Variants in STK32B observed in about 807,000 individuals in gnomAD.
STK32B encodes serine/threonine-protein kinase 32B.
STK32B carries 43 observed loss-of-function variants against 52.6 expected under a neutral mutation model. The ratio of observed to expected loss-of-function variants is 0.82; its 90% confidence interval spans 0.64 to 1.05. The LOEUF is 1.05. Among genes scored for constraint, STK32B ranks in the 50% least tolerant of loss-of-function variants. The probability of loss-of-function intolerance (pLI) is 0.00; values close to 1 mark genes in which losing one functional copy is unlikely to be tolerated. For missense variants in STK32B, 621 were observed against 534.6 expected (o/e 1.16, Z -1.59); for synonymous variants, 238 against 204.3 (o/e 1.17, Z -1.41).
chr4:5,238,875 A>C (rs778623893), intron 3 of STK32B, among the ~76,000 whole-genome samples: 3 of 152,248 alleles, frequency 2.0e-5, no homozygotes, highest in African/African-American at 7.2e-5. Flanking sequence ...CAGTGGGACT[A>C]TGGATGAGAA....
chr4:5,073,814 C>T (rs557584783), intron 1 of STK32B, among the ~76,000 whole-genome samples: 3 of 151,878 alleles, frequency 2.0e-5, no homozygotes, highest in South Asian at 4.2e-4. Context: ...ATCTCCTTGA[C>T]TTTGTTTTTT....
At chr4:5,455,217 C>A (rs1298509779) in intron 7 of STK32B, among the ~76,000 whole-genome samples, 1 of 152,338 alleles carries the variant, frequency 6.6e-6, no homozygotes, top group African/African-American at 2.4e-5. Flanking sequence ...ATCGGGACCC[C>A]TCGCCCCTTT....
chr4:5,154,561 C>T (rs939556678), intron 2 of STK32B, among the ~76,000 whole-genome samples: 8 of 152,176 alleles, frequency 5.3e-5, no homozygotes, highest in Non-Finnish European at 1.0e-4. Context: ...TTTTACTTGG[C>T]TTGGTGGGTT....
At chr4:5,224,943 G>C (rs2108800076) in intron 3 of STK32B, among the ~76,000 whole-genome samples, 1 of 152,250 alleles carries the variant, frequency 6.6e-6, no homozygotes, top group South Asian at 2.1e-4. Context: ...TTTTATTAAA[G>C]TGGGATTTTA....
chr4:5,161,988 GAGA>G (rs1306726068), intron 2 of STK32B, among the ~76,000 whole-genome samples: 1 of 152,170 alleles, frequency 6.6e-6, no homozygotes, highest in African/African-American at 2.4e-5. Flanking sequence ...GGGCAGCACA[GAGA>G]AGAACTAGCC....
intron 4 of STK32B, among the ~76,000 whole-genome samples, chr4:5,392,605 C>G (rs1736655625): frequency 6.6e-6 from 1 of 152,072 alleles, no homozygotes; most frequent in South Asian, 2.1e-4. Context: ...GAGAGTAGGT[C>G]TTACCTCTAC....
At chr4:5,276,149 C>T (rs532468471) in intron 3 of STK32B, among the ~76,000 whole-genome samples, 33 of 151,948 alleles carry the variant, frequency 2.2e-4, no homozygotes, top group Non-Finnish European at 4.1e-4. Flanking sequence ...ATTAGTCAGG[C>T]GTGGTGGTGC....
At chr4:5,362,642 T>A (rs914453390) in intron 4 of STK32B, among the ~76,000 whole-genome samples, 4 of 152,148 alleles carry the variant, frequency 2.6e-5, no homozygotes, top group Non-Finnish European at 5.9e-5. Context: ...GGTGAAAGCC[T>A]GACAGCCACC....
At chr4:5,336,813 C>T (rs1219260232) in intron 4 of STK32B, among the ~76,000 whole-genome samples, 2 of 152,110 alleles carry the variant, frequency 1.3e-5, no homozygotes, top group Non-Finnish European at 1.5e-5. Context: ...TCTCCCAGAC[C>T]TGAAATACAT....
rs1454935742 is a variant in STK32B at position 5,500,286 on chromosome 4, G to A, written c.*1203G>A. 1 of 152,162 alleles carries A rather than the reference G, an allele frequency of 6.6e-6. No individual in the cohort carries two copies. The highest frequency in any genetic ancestry group is 6.5e-5 in the Admixed American group (1 of 15,270). 9.4% of individuals were successfully genotyped at this position (152,162 alleles called of 1,614,324 possible). On this transcript the variant is annotated 3_prime_UTR_variant, in exon 12 of 12. Transcript: ENST00000282908. Reference sequence around the variant, plus strand: ...GGCAGTTTCCTCATTTTTAAACAGGGATAATAAAACTAATATTGCAGGGGA... The same window carrying A: ...GGCAGTTTCCTCATTTTTAAACAGGAATAATAAAACTAATATTGCAGGGGA...
intron 6 of STK32B, among the ~76,000 whole-genome samples, chr4:5,421,220 G>T (rs887918579): frequency 1.3e-5 from 2 of 152,140 alleles, no homozygotes; most frequent in African/African-American, 4.8e-5. Context: ...CTCCCAAGTA[G>T]CTGGGACTAC....
intron 5 of STK32B, among the ~76,000 whole-genome samples, chr4:5,411,518 G>A (rs1711675696): frequency 6.6e-6 from 1 of 152,184 alleles, no homozygotes; most frequent in Non-Finnish European, 1.5e-5. Context: ...CCTTTCCATT[G>A]TATTAGGCAT....
chr4:5,397,407 C>T (rs188215310), intron 4 of STK32B, among the ~76,000 whole-genome samples: 21 of 152,182 alleles, frequency 1.4e-4, no homozygotes, highest in African/African-American at 4.1e-4. Context: ...GGCATGTGGA[C>T]GTAAAGAAAG....
Position 5,162,402 on chromosome 4 carries a change from A to G in STK32B, c.109-5897A>G, listed in dbSNP as rs566443132. On this transcript the variant is annotated intron_variant, in intron 2 of 11. Transcript: ENST00000282908. ...AATCGACATTGTCAGCGCCCGGAAT[A>G]TACTGTAAAGTCAGGACTGTGACCA... Among the ~76,000 whole-genome samples, 10 of 152,282 alleles carry G rather than the reference A, an allele frequency of 6.6e-5. No homozygotes were observed. The East Asian group carries it at 1.7e-3, about 26-fold the overall frequency.
At chr4:5,130,498 A>G (rs1715693730) in intron 1 of STK32B, among the ~76,000 whole-genome samples, 3 of 152,078 alleles carry the variant, frequency 2.0e-5, no homozygotes, top group African/African-American at 7.2e-5. Flanking sequence ...AAAGAAAGTA[A>G]TCTCTTGGCC....
intron 3 of STK32B, among the ~76,000 whole-genome samples, chr4:5,315,343 T>G (rs1379788716): frequency 6.6e-6 from 1 of 152,014 alleles, no homozygotes; most frequent in Non-Finnish European, 1.5e-5. Context: ...AACAAACAGA[T>G]CTGTATGTAT....
At chr4:5,357,022 TACAC>T (rs550771167) in intron 4 of STK32B, among the ~76,000 whole-genome samples, 4 of 145,486 alleles carry the variant, frequency 2.7e-5, no homozygotes, top group South Asian at 2.2e-4. Flanking sequence ...TATATATATA[TACAC>T]ACACACACAC....
intron 3 of STK32B, among the ~76,000 whole-genome samples, chr4:5,170,427 T>G (rs2108739350): frequency 6.6e-6 from 1 of 152,306 alleles, no homozygotes; most frequent in African/African-American, 2.4e-5. Flanking sequence ...TCATTTAACA[T>G]TAGGTATATC....
intron 3 of STK32B, among the ~76,000 whole-genome samples, chr4:5,219,905 G>T (rs1416235342): frequency 6.6e-6 from 1 of 152,142 alleles, no homozygotes; most frequent in Non-Finnish European, 1.5e-5. Flanking sequence ...GGACCCTCTG[G>T]AACAGGACAG....
Sources: allele counts gnomAD v4.1 joint callset (sites outside exome capture counted in the v4.1 genomes callset), GRCh38; gene constraint gnomAD v4.1.1; transcripts MANE v1.5; gene names NCBI Gene and HGNC (gene_info 2026-07-23, HGNC 2026-07-21).